The following ADAMTSL1 variants were observed in gnomAD, a reference collection of about 807,000 sequenced individuals.
ADAMTSL1 encodes ADAMTS-like protein 1.
Under a neutral mutation model 201.8 loss-of-function variants are expected in ADAMTSL1, and 126 were observed. That is an observed-to-expected ratio of 0.62 (90% CI 0.54 to 0.72). The LOEUF is 0.72. Ranked by LOEUF, ADAMTSL1 falls within the 30% of genes least tolerant of loss-of-function variation. ADAMTSL1 has a pLI of 0.00. For missense variants in ADAMTSL1, 2,679 were observed against 2,277.8 expected (o/e 1.18, Z -3.59); for synonymous variants, 1,121 against 903.4 (o/e 1.24, Z -4.32).
chr9:18,062,354 G>C lies in ADAMTSL1; in HGVS notation c.88-101508G>C, dbSNP rs1309721192. 3.3e-5 allele frequency among the ~76,000 whole-genome samples: 5 copies of C among 152,102 alleles called. No homozygotes were observed. In the South Asian group the frequency reaches 8.3e-4, roughly 25 times the overall value. On this transcript the variant is annotated intron_variant, in intron 1 of 29. Transcript: ENST00000680146. Reference sequence around the variant, plus strand: ...TATTGAGTTACTAAACATTAAAATAGTTTGCAGAATATCACAGAATGTATT... The same window carrying C: ...TATTGAGTTACTAAACATTAAAATACTTTGCAGAATATCACAGAATGTATT...
At chr9:18,011,337 A>T (rs866249417) in intron 1 of ADAMTSL1, among the ~76,000 whole-genome samples, 1 of 152,054 alleles carries the variant, frequency 6.6e-6, no homozygotes, top group African/African-American at 2.4e-5. Flanking sequence ...AAAATGTTCA[A>T]CTTAAATAAA....
At chr9:18,442,290 C>A (rs1820026936) in intron 2 of ADAMTSL1, among the ~76,000 whole-genome samples, 1 of 152,104 alleles carries the variant, frequency 6.6e-6, no homozygotes, top group African/African-American at 2.4e-5. Context: ...CTTCTATTTT[C>A]CTGTAGTGAG....
intron 4 of ADAMTSL1, among the ~76,000 whole-genome samples, chr9:18,575,834 G>A (rs557826515): frequency 6.6e-6 from 1 of 152,270 alleles, no homozygotes; most frequent in African/African-American, 2.4e-5. Flanking sequence ...CAATGTTATT[G>A]CTACTATATT....
intron 1 of ADAMTSL1, among the ~76,000 whole-genome samples, chr9:18,480,586 G>T (rs1002928323): frequency 1.3e-5 from 2 of 152,194 alleles, no homozygotes; most frequent in African/African-American, 4.8e-5. Context: ...GAAATTTTGG[G>T]AAAGGTGTTG....
intron 2 of ADAMTSL1, among the ~76,000 whole-genome samples, chr9:18,375,514 G>C (rs542906587): frequency 3.3e-5 from 5 of 151,946 alleles, no homozygotes; most frequent in Admixed American, 6.6e-5. Flanking sequence ...CATTATACAC[G>C]ATCAAACAAA....
chr9:17,986,739 A>G (rs1262815914), intron 1 of ADAMTSL1, among the ~76,000 whole-genome samples: 4 of 152,048 alleles, frequency 2.6e-5, no homozygotes, highest in African/African-American at 9.7e-5. Flanking sequence ...ACAATAACTT[A>G]TTTTAAACTC....
chr9:18,615,643 C>T (rs1161661136), intron 4 of ADAMTSL1, among the ~76,000 whole-genome samples: 1 of 152,140 alleles, frequency 6.6e-6, no homozygotes, highest in Admixed American at 6.5e-5. Context: ...CTTCTCTGAA[C>T]CTCAGTGTTA....
At chr9:18,823,540 G>C (rs984844254) in intron 21 of ADAMTSL1, among the ~76,000 whole-genome samples, 2 of 152,098 alleles carry the variant, frequency 1.3e-5, no homozygotes, top group African/African-American at 4.8e-5. Context: ...TTCTCCCTCT[G>C]TTCCACCCTC....
intron 7 of ADAMTSL1, among the ~76,000 whole-genome samples, chr9:18,647,105 G>T (rs902196812): frequency 2.0e-5 from 3 of 149,414 alleles, no homozygotes; most frequent in African/African-American, 7.4e-5. Context: ...ACTTCTTCCT[G>T]GTTTAGTCTT....
At chr9:18,896,646 C>G (rs547061138) in intron 26 of ADAMTSL1, among the ~76,000 whole-genome samples, 1 of 152,240 alleles carries the variant, frequency 6.6e-6, no homozygotes, top group Non-Finnish European at 1.5e-5. Flanking sequence ...AAACCTTCAC[C>G]CCCCAGCCAA....
intron 2 of ADAMTSL1, among the ~76,000 whole-genome samples, chr9:18,175,711 C>T (rs1828115802): frequency 6.6e-6 from 1 of 152,066 alleles, no homozygotes; most frequent in South Asian, 2.1e-4. Flanking sequence ...CTACCTGCTC[C>T]AGGAAGCCAG....
intron 2 of ADAMTSL1, among the ~76,000 whole-genome samples, chr9:18,302,629 T>C (rs768230976): frequency 6.6e-6 from 1 of 152,210 alleles, no homozygotes; most frequent in African/African-American, 2.4e-5. Context: ...TAATATGACT[T>C]AAACCCTTTT....
At chr9:18,886,361 G>A (rs1300843959) in intron 23 of ADAMTSL1, among the ~76,000 whole-genome samples, 1 of 151,402 alleles carries the variant, frequency 6.6e-6, no homozygotes, top group Non-Finnish European at 1.5e-5. Flanking sequence ...ACTCCAGCTT[G>A]GGTGACCGAG....
chr9:18,523,063 T>A (rs1818802822), intron 2 of ADAMTSL1, among the ~76,000 whole-genome samples: 3 of 152,208 alleles, frequency 2.0e-5, no homozygotes, highest in Non-Finnish European at 4.4e-5. Context: ...ACCAATAGTG[T>A]AAAAGTGTTC....
chr9:18,631,003 A>G (rs887632927), intron 5 of ADAMTSL1, among the ~76,000 whole-genome samples: 1 of 152,150 alleles, frequency 6.6e-6, no homozygotes, highest in Admixed American at 6.6e-5. Flanking sequence ...GGCTGTTTTG[A>G]TGTTAGCACC....
chr9:18,784,305 T>G (rs867568136), intron 19 of ADAMTSL1, among the ~76,000 whole-genome samples: 1 of 152,230 alleles, frequency 6.6e-6, no homozygotes, highest in African/African-American at 2.4e-5. Flanking sequence ...TTAATCATTC[T>G]CAAGGGCCTA....
intron 1 of ADAMTSL1, among the ~76,000 whole-genome samples, chr9:18,147,520 G>T (rs930898317): frequency 1.3e-5 from 2 of 152,030 alleles, no homozygotes; most frequent in Admixed American, 1.3e-4. Context: ...GGTATAATTT[G>T]GGGGTATTCC....
chr9:18,497,449 A>C (rs1822587946), intron 1 of ADAMTSL1, among the ~76,000 whole-genome samples: 1 of 152,212 alleles, frequency 6.6e-6, no homozygotes, highest in Admixed American at 6.5e-5. Context: ...TATCACAGAA[A>C]AAGAGAAACA....
intron 19 of ADAMTSL1, among the ~76,000 whole-genome samples, chr9:18,787,705 C>T (rs1426520768): frequency 6.6e-6 from 1 of 152,140 alleles, no homozygotes; most frequent in Non-Finnish European, 1.5e-5. Context: ...CTATACTCAA[C>T]TCTGTCATTA....
Sources: allele counts gnomAD v4.1 joint callset (sites outside exome capture counted in the v4.1 genomes callset), GRCh38; gene constraint gnomAD v4.1.1; transcripts MANE v1.5; gene names NCBI Gene and HGNC (gene_info 2026-07-23, HGNC 2026-07-21).